Variants in TENM1 observed in about 807,000 individuals in gnomAD.
TENM1 encodes teneurin transmembrane protein 1, also known as teneurin-1.
A neutral mutation model predicts 174.8 loss-of-function variants in TENM1; 35 were observed. The ratio of observed to expected loss-of-function variants is 0.20; its 90% CI spans 0.15 to 0.27. The LOEUF (loss-of-function observed/expected upper bound fraction) is 0.27, where lower values mean the gene tolerates loss of function less well. TENM1 is among the 10% of genes least tolerant of loss of function. The probability of loss-of-function intolerance (pLI) is 1.00; values close to 1 mark genes in which losing one functional copy is unlikely to be tolerated. For missense variants in TENM1, 1,633 were observed against 2,130.1 expected, an observed-to-expected ratio of 0.77 and a Z score of 4.59; for synonymous variants, 781 against 798.7, an observed-to-expected ratio of 0.98 and a Z score of 0.37.
intron 3 of TENM1, among the ~76,000 whole-genome samples, chrX:124,847,188 G>A (rs2056625569): frequency 9.0e-6 from 1 of 110,995 alleles, no homozygotes; most frequent in Admixed American, 9.6e-5. Flanking sequence ...CCAAGAGTGG[G>A]CTGTGGTAAT....
At position 124,650,403 on chromosome X, in the gene TENM1, G is replaced by C. The variant is rs6655796; in HGVS notation, c.1579+1511C>G. Among the ~76,000 whole-genome samples, 789 of 110,656 alleles carry C rather than the reference G, an allele frequency of 7.1e-3. 11 individuals carry two copies. Among genetic ancestry groups the C allele is most frequent in the African/African-American group, 0.024 (727 of 30,538 alleles). On this transcript the variant is annotated intron_variant, in intron 8 of 31. Coordinates refer to ENST00000422452, the Ensembl canonical transcript of TENM1. Reference sequence around the variant, plus strand: ...TTAAGCAAAGAGCAAATATGTTGTTGTATATGAAACTGACAGCTTGATATG... The same window carrying C: ...TTAAGCAAAGAGCAAATATGTTGTTCTATATGAAACTGACAGCTTGATATG...
At chrX:124,411,725 A>C (rs965871043) in intron 25 of TENM1, 7 of 112,193 alleles carry the variant, frequency 6.2e-5, no homozygotes, top group Admixed American at 1.9e-4. Flanking sequence ...ATCAGCGGGT[A>C]ATTCCTACAA....
the TENM1 span, among the ~76,000 whole-genome samples, chrX:125,074,901 A>T: frequency 9.8e-5 from 11 of 112,070 alleles, no homozygotes; most frequent in African/African-American, 3.2e-4. Context: ...TTTCCTGATT[A>T]CTTAAACAAC....
the TENM1 span, among the ~76,000 whole-genome samples, chrX:125,081,545 C>A: frequency 9.0e-6 from 1 of 111,091 alleles, no homozygotes; most frequent in African/African-American, 3.3e-5. Flanking sequence ...CTCTTTCCCT[C>A]CTATCTCACA....
intron 3 of TENM1, among the ~76,000 whole-genome samples, chrX:124,744,104 C>T (rs1396923608): frequency 9.0e-6 from 1 of 111,483 alleles, no homozygotes; most frequent in East Asian, 2.8e-4. Flanking sequence ...ACTCAATATT[C>T]CTGCCAATAA....
chrX:124,598,278 G>A (rs1182870894), intron 11 of TENM1, among the ~76,000 whole-genome samples: 3 of 111,730 alleles, frequency 2.7e-5, no homozygotes, highest in Non-Finnish European at 5.7e-5. Context: ...CACACTGTTG[G>A]TGGGAAGGTA....
At chrX:124,583,786 GA>G (rs1449305057) in intron 11 of TENM1, among the ~76,000 whole-genome samples, 1 of 109,992 alleles carries the variant, frequency 9.1e-6, no homozygotes, top group African/African-American at 3.3e-5. Flanking sequence ...TGAAAACTTT[GA>G]AAAAAATTTA....
chrX:124,610,100 C>G (rs1207501468), intron 11 of TENM1, among the ~76,000 whole-genome samples: 2 of 111,747 alleles, frequency 1.8e-5, no homozygotes, highest in Admixed American at 1.9e-4. Context: ...GACATAGGCA[C>G]AAAATCACTC....
chrX:124,568,799 T>C (rs1479602211), intron 11 of TENM1, among the ~76,000 whole-genome samples: 1 of 111,662 alleles, frequency 9.0e-6, no homozygotes, highest in Non-Finnish European at 1.9e-5. Flanking sequence ...GCTTTTCCTA[T>C]AGCAGCATCT....
intron 3 of TENM1, among the ~76,000 whole-genome samples, chrX:124,868,488 C>A (rs1238900739): frequency 9.0e-6 from 1 of 111,316 alleles, no homozygotes; most frequent in African/African-American, 3.3e-5. Flanking sequence ...TCAAAATGAA[C>A]TAAAGACTTA....
chrX:124,396,365 C>T (rs765317500), intron 27 of TENM1, among the ~76,000 whole-genome samples: 156 of 97,495 alleles, frequency 1.6e-3, no homozygotes, highest in African/African-American at 5.8e-3. Flanking sequence ...TGCAATGGCA[C>T]GATCTTGGCT....
chrX:124,738,047 A>G (rs751466115), intron 3 of TENM1, among the ~76,000 whole-genome samples: 2 of 112,019 alleles, frequency 1.8e-5, no homozygotes, highest in Admixed American at 9.5e-5. Flanking sequence ...AAAGACAGTG[A>G]GTTAGAATTT....
chrX:125,083,505 A>G, the TENM1 span, among the ~76,000 whole-genome samples: 3 of 110,097 alleles, frequency 2.7e-5, no homozygotes, highest in Non-Finnish European at 5.7e-5. Flanking sequence ...TGAACTCTGA[A>G]ATCTTGACCT....
chrX:124,751,957 T>A (rs899901934), intron 3 of TENM1, among the ~76,000 whole-genome samples: 1 of 110,812 alleles, frequency 9.0e-6, no homozygotes, highest in Admixed American at 9.6e-5. Flanking sequence ...AACATACGTG[T>A]GCATGTGTCT....
intron 3 of TENM1, among the ~76,000 whole-genome samples, chrX:124,760,631 A>G (rs1439747952): frequency 8.9e-6 from 1 of 112,276 alleles, no homozygotes; most frequent in East Asian, 2.8e-4. Flanking sequence ...GGACATAGGC[A>G]TGGGCAAGGA....
At chrX:124,898,728 T>G (rs1266706396) in intron 1 of TENM1, among the ~76,000 whole-genome samples, 1 of 111,903 alleles carries the variant, frequency 8.9e-6, no homozygotes, top group Non-Finnish European at 1.9e-5. Flanking sequence ...TAAAGAGATA[T>G]TTTTCCCATT....
intron 3 of TENM1, among the ~76,000 whole-genome samples, chrX:124,773,298 G>A (rs2054702204): frequency 9.1e-6 from 1 of 110,132 alleles, no homozygotes; most frequent in African/African-American, 3.3e-5. Flanking sequence ...AAGAGAAGGT[G>A]TGTGGATGGC....
At chrX:124,829,716 C>T (rs2056247817) in intron 3 of TENM1, among the ~76,000 whole-genome samples, 1 of 111,956 alleles carries the variant, frequency 8.9e-6, no homozygotes, top group Admixed American at 9.5e-5. Context: ...AAATGAAGGA[C>T]AAAAGAGAGC....
intron 11 of TENM1, among the ~76,000 whole-genome samples, chrX:124,637,717 CTT>C (rs1192029224): frequency 4.5e-5 from 5 of 111,860 alleles, no homozygotes; most frequent in African/African-American, 1.6e-4. Flanking sequence ...ATTAAAGACT[CTT>C]TGCACATTGT....
Sources: allele counts gnomAD v4.1 joint callset (sites outside exome capture counted in the v4.1 genomes callset), GRCh38; gene constraint gnomAD v4.1.1; transcripts MANE v1.5; gene names NCBI Gene and HGNC (gene_info 2026-07-23, HGNC 2026-07-21).